RUSC1: variants seen among roughly 807,000 people sequenced by gnomAD.
RUSC1 encodes RUN and SH3 domain containing 1.
RUSC1 carries 40 observed loss-of-function variants against 72.1 expected under a neutral mutation model. That is an observed-to-expected ratio of 0.55 (90% confidence interval 0.43 to 0.72). The LOEUF (loss-of-function observed/expected upper bound fraction) is 0.72. Ranked by LOEUF, RUSC1 falls within the 30% of genes least tolerant of loss-of-function variation. RUSC1 has a pLI of 0.00. For missense variants in RUSC1, 1,092 were observed against 1,172.3 expected, an observed-to-expected ratio of 0.93 and a Z score of 1.00; for synonymous variants, 512 against 494.2, an observed-to-expected ratio of 1.04 and a Z score of -0.48.
chr1:155,321,511 C>T, intron 1 of RUSC1, 177 bp from the exon 2 acceptor site: 1 of 1,471,262 alleles, frequency 6.8e-7, no homozygotes, highest in Non-Finnish European at 9.2e-7. Flanking sequence ...ACATTCGACT[C>T]CATCTGCAAA....
At chr1:155,324,325 G>T (rs765382606) in intron 2 of RUSC1, 1 of 1,590,086 alleles carries the variant, frequency 6.3e-7, no homozygotes, top group Non-Finnish European at 8.6e-7. Flanking sequence ...CGGGACCCGG[G>T]TTTCCCCTTT....
chr1:155,330,029 G>C (rs1434536538), intron 9 of RUSC1, among the ~76,000 whole-genome samples: 2 of 151,788 alleles, frequency 1.3e-5, no homozygotes, highest in Non-Finnish European at 1.5e-5. Context: ...GTGATGGATT[G>C]GATGTATGGA....
Position 155,326,202 on chromosome 1 carries a change from C to A in RUSC1, c.1861+292C>A. 1 of 559,664 alleles carries A rather than the reference C, an allele frequency of 1.8e-6. No homozygotes were observed. The highest frequency in any genetic ancestry group is 3.1e-5 in the Admixed American group (1 of 31,846). The allele number at this position is 559,664 out of a possible 1,614,324, so 34.7% of individuals were successfully genotyped here. A position where few individuals can be genotyped will look rare whatever the true frequency, so the allele number is the denominator to read the frequency against. On this transcript the variant is annotated intron_variant, in intron 7 of 9. Coordinates refer to ENST00000368352, the MANE Select transcript of RUSC1 (RefSeq NM_001105203.2). This position sits in a 1 kb window ranked among gnomAD's most constrained non-coding sequence, Gnocchi z 4.7. ...CCTGCTTATGCTGTTCCTCTACCTTCTGCCCCTCCTGCTTCCTCTGAACTA... is the reference window on the plus strand; with the variant it reads ...CCTGCTTATGCTGTTCCTCTACCTTATGCCCCTCCTGCTTCCTCTGAACTA...
At chr1:155,324,452 A>T (rs1458530245) in intron 2 of RUSC1, 1 of 1,612,522 alleles carries the variant, frequency 6.2e-7, no homozygotes, top group East Asian at 2.2e-5. Context: ...CTCCGCAGGC[A>T]GGACTGGGCC....
In RUSC1 at chr1:155,323,843, C is replaced by A. The variant is rs908425798; in HGVS notation, c.1357+713C>A. On this transcript the variant is annotated intron_variant, in intron 2 of 9. Transcript: ENST00000368352. ...ACGGACCCGGGCTAGCCCCGCGGGCCACGCCTCAGGCGGGCCGCCCCGCCC... is the reference window on the plus strand; with the variant it reads ...ACGGACCCGGGCTAGCCCCGCGGGCAACGCCTCAGGCGGGCCGCCCCGCCC... 10 of 899,118 alleles carry A rather than the reference C, an allele frequency of 1.1e-5. No individual in the cohort carries two copies. The African/African-American group carries it at 1.4e-4, about 13-fold the overall frequency. 55.7% of individuals were successfully genotyped at this position (899,118 alleles called of 1,614,324 possible). A position where few individuals can be genotyped will look rare whatever the true frequency, so the allele number is the denominator to read the frequency against.
intron 9 of RUSC1, 44 bp downstream of exon 9, chr1:155,328,319 G>A: frequency 6.5e-7 from 1 of 1,541,244 alleles, no homozygotes; most frequent in South Asian, 1.3e-5. Flanking sequence ...AACCATGTAT[G>A]CTATCACAGC....
intron 9 of RUSC1, 151 bp from the exon 10 acceptor site, chr1:155,330,252 C>G: frequency 1.3e-6 from 1 of 742,412 alleles, no homozygotes; most frequent in Non-Finnish European, 2.1e-6. Context: ...CAGATAGAAT[C>G]ACCAAGTTGA....
At position 155,326,821 on chromosome 1, in the gene RUSC1, G is replaced by A. The variant is rs774467168; in HGVS notation, c.2103G>A (p.Arg701=). The A allele has an allele frequency of 1.2e-6, 2 of 1,613,264 alleles. No homozygotes were observed. The highest frequency in any genetic ancestry group is 2.7e-5 in the African/African-American group (2 of 74,960). The part of the protein sequence containing the change: ...TMQAMLHFGG[R]LAQSLRGTSK... ...AAGCCATGCTGCACTTTGGGGGCCGGCTGGCCCAGAGCCTTCGGGGGACTT... is the reference window on the plus strand; with the variant it reads ...AAGCCATGCTGCACTTTGGGGGCCGACTGGCCCAGAGCCTTCGGGGGACTT... Residue 701 remains arginine (R), a synonymous_variant, in exon 8 of 10, where the codon CGG becomes CGA. Coordinates refer to ENST00000368352, the MANE Select transcript of RUSC1 (RefSeq NM_001105203.2). The surrounding 1 kb of genome is among the most constrained non-coding windows in gnomAD (Gnocchi z 4.7).
In RUSC1 at chr1:155,326,882, A is replaced by G. The variant is rs1426273158; in HGVS notation, c.2164A>G (p.Asn722Asp). The change falls in exon 8 of 10, where the codon AAC becomes GAC. Residue 722 changes from asparagine to aspartate, a missense_variant. Coordinates refer to ENST00000368352, the MANE Select transcript of RUSC1 (RefSeq NM_001105203.2). The surrounding 1 kb of genome is among the most constrained non-coding windows in gnomAD (Gnocchi z 4.7). The stretch of plus-strand genomic sequence containing the variant: ...TGCTTCAGACCCCTCTGACTCTCCA[A>G]ACCTTCCCACACCAGGGAGCTGGTG... The part of the protein sequence containing the change: ...EAASDPSDSP[N>D]LPTPGSWWEQ... 1 of 1,613,718 alleles carries G rather than the reference A, an allele frequency of 6.2e-7. No individual in the cohort carries two copies. Among genetic ancestry groups the G allele is most frequent in the South Asian group, 1.1e-5 (1 of 91,086 alleles).
In RUSC1 at chr1:155,328,280, G is replaced by A; in HGVS notation, c.2540+5G>A. ...CAGGATGGTGCAAACCCATAGGTAAGGAGGATTGGGGAGAATGCACTAGTG... is the reference window on the plus strand; with the variant it reads ...CAGGATGGTGCAAACCCATAGGTAAAGAGGATTGGGGAGAATGCACTAGTG... On this transcript the variant is annotated splice_donor_5th_base_variant and intron_variant, in intron 9 of 9. Coordinates refer to ENST00000368352, the MANE Select transcript of RUSC1 (RefSeq NM_001105203.2). The A allele has an allele frequency of 7.5e-6, 12 of 1,604,484 alleles. No individual in the cohort carries two copies. Among genetic ancestry groups the A allele is most frequent in the Non-Finnish European group, 1.0e-5 (12 of 1,174,682 alleles).
rs376722651 is a variant in RUSC1, at chr1:155,328,032, AC to A, written c.2415-114del. On this transcript the variant is annotated intron_variant, in intron 8 of 9. Coordinates refer to ENST00000368352, the MANE Select transcript of RUSC1 (RefSeq NM_001105203.2). ...AACACTCTGCCCTCAGCAGTGACTA[AC>A]CCCTGACCTCTTTTGAACCACAATT... 8.5e-4 allele frequency: 1,133 copies of A among 1,327,444 alleles called. 6 individuals are homozygous for A. In the African/African-American group the frequency reaches 0.016, roughly 18 times the overall value. The allele number at this position is 1,327,444 out of a possible 1,614,324, so 82.2% of individuals were successfully genotyped here. A position where few individuals can be genotyped will look rare whatever the true frequency, so the allele number is the denominator to read the frequency against.
chr1:155,324,435 C>A, intron 2 of RUSC1: 1 of 1,613,078 alleles, frequency 6.2e-7, no homozygotes, highest in Non-Finnish European at 8.5e-7. Context: ...CCACGTGCTC[C>A]CCGGGGCTCC....
Position 155,321,819 on chromosome 1 carries a change from C to A in RUSC1, c.46C>A (p.His16Asn). 6.2e-7 allele frequency: 1 copy of A among 1,613,994 alleles called. No homozygotes were observed. Residue 16 changes from histidine to asparagine, a missense_variant, in exon 2 of 10, where the codon CAC (histidine) becomes AAC (asparagine). His to Asn is a moderately conservative substitution (Grantham distance 68). Coordinates refer to ENST00000368352, the MANE Select transcript of RUSC1 (RefSeq NM_001105203.2). ...TTTACTCTGCAACCTCAACCACATC[C>A]ACCTCCAGCACGTCTCCCTGGGCCT... The part of the protein sequence containing the change: ...RALLCNLNHI[H>N]LQHVSLGLHL...
chr1:155,327,240 CTGTT>C, intron 8 of RUSC1, 108 bp downstream of exon 8: 1 of 1,170,458 alleles, frequency 8.5e-7, no homozygotes, highest in African/African-American at 1.5e-5. Context: ...GATTGGCGGT[CTGTT>C]TTTCTACAGC....
rs752771128 is a variant in RUSC1, at chr1:155,326,719, C to A, written c.2001C>A (p.His667Gln). Residue 667 changes from histidine to glutamine, a missense_variant, in exon 8 of 10, where the codon CAC becomes CAA. By Grantham distance (24) the His-to-Gln change is conservative (BLOSUM62 0). Coordinates refer to ENST00000368352, the MANE Select transcript of RUSC1 (RefSeq NM_001105203.2). This position sits in a 1 kb window ranked among gnomAD's most constrained non-coding sequence, Gnocchi z 4.7. ...LTFHLDLLFE[H>Q]HHHLPLGPPQ... ...TCCACCTGGACCTGCTCTTTGAGCACCACCACCACCTGCCCCTGGGCCCAC... is the reference window on the plus strand; with the variant it reads ...TCCACCTGGACCTGCTCTTTGAGCAACACCACCACCTGCCCCTGGGCCCAC... 6.2e-7 allele frequency: 1 copy of A among 1,613,212 alleles called. No homozygotes were observed. Among genetic ancestry groups the A allele is most frequent in the South Asian group, 1.1e-5 (1 of 91,090 alleles).
intron 8 of RUSC1, among the ~76,000 whole-genome samples, chr1:155,327,448 C>T (rs118098927): frequency 6.6e-6 from 1 of 152,198 alleles, no homozygotes; most frequent in East Asian, 1.9e-4. Context: ...AAAGACAGCC[C>T]TCAGTATATG....
At position 155,326,545 on chromosome 1, in the gene RUSC1, A is replaced by G. The variant is rs759646814; in HGVS notation, c.1862-35A>G. Reference sequence around the variant, plus strand: ...TGGGGGGTCTTCTGGGACTAGGTCCAGGGCAGGAGCTGATGTTGGCCTGCT... The same window carrying G: ...TGGGGGGTCTTCTGGGACTAGGTCCGGGGCAGGAGCTGATGTTGGCCTGCT... On this transcript the variant is annotated intron_variant, in intron 7 of 9. Coordinates refer to ENST00000368352, the MANE Select transcript of RUSC1 (RefSeq NM_001105203.2). The surrounding 1 kb of genome is among the most constrained non-coding windows in gnomAD (Gnocchi z 4.7). 6.4e-7 allele frequency: 1 copy of G among 1,570,708 alleles called. No homozygotes were observed. The highest frequency in any genetic ancestry group is 2.2e-5 in the East Asian group (1 of 44,524).
Position 155,326,067 on chromosome 1 carries a change from G to C in RUSC1, c.1861+157G>C, listed in dbSNP as rs952722392. The C allele has an allele frequency of 1.3e-6, 1 of 799,348 alleles. No individual in the cohort carries two copies. Among genetic ancestry groups the C allele is most frequent in the Non-Finnish European group, 2.0e-6 (1 of 494,804 alleles). The allele number at this position is 799,348 out of a possible 1,614,324, so 49.5% of individuals were successfully genotyped here. A position where few individuals can be genotyped will look rare whatever the true frequency, so the allele number is the denominator to read the frequency against. On this transcript the variant is annotated intron_variant, in intron 7 of 9. Coordinates refer to ENST00000368352, the MANE Select transcript of RUSC1 (RefSeq NM_001105203.2). This position sits in a 1 kb window ranked among gnomAD's most constrained non-coding sequence, Gnocchi z 4.7. Reference sequence around the variant, plus strand: ...TTAAAACTTTCTAAGGAGGCCCATCGCCCATAGGATGAAAGACCCAAAGCC... The same window carrying C: ...TTAAAACTTTCTAAGGAGGCCCATCCCCCATAGGATGAAAGACCCAAAGCC...
Position 155,326,073 on chromosome 1 carries a change from A to G in RUSC1, c.1861+163A>G. The G allele has an allele frequency of 1.3e-6, 1 of 761,220 alleles. No homozygotes were observed. The highest frequency in any genetic ancestry group is 2.2e-6 in the Non-Finnish European group (1 of 463,924). 47.2% of individuals were successfully genotyped at this position (761,220 alleles called of 1,614,324 possible). A position where few individuals can be genotyped will look rare whatever the true frequency, so the allele number is the denominator to read the frequency against. On this transcript the variant is annotated intron_variant, in intron 7 of 9. Coordinates refer to ENST00000368352, the MANE Select transcript of RUSC1 (RefSeq NM_001105203.2). The surrounding 1 kb of genome is among the most constrained non-coding windows in gnomAD (Gnocchi z 4.7). ...CTTTCTAAGGAGGCCCATCGCCCAT[A>G]GGATGAAAGACCCAAAGCCTTGGCT...
Sources: gnomAD v4.1 joint callset for allele counts (sites outside exome capture counted in the v4.1 genomes callset) on GRCh38, gnomAD v4.1.1 for gene constraint, Gnocchi (gnomAD v3.1) non-coding constraint, MANE v1.5 for transcripts, NCBI Gene and HGNC (gene_info 2026-07-23, HGNC 2026-07-21) for gene names.